ZHX2: variants seen among roughly 807,000 people sequenced by gnomAD.
The protein encoded by ZHX2 is zinc fingers and homeoboxes protein 2.
ZHX2 carries 6 observed loss-of-function variants against 21.9 expected under a neutral mutation model. The ratio of observed to expected loss-of-function variants is 0.27; its 90% CI spans 0.15 to 0.54. ZHX2 has a LOEUF of 0.54. Ranked by LOEUF, ZHX2 falls within the 20% of genes least tolerant of loss-of-function variation. ZHX2 has a pLI of 0.95. For missense variants in ZHX2, 908 were observed against 1,090.7 expected (o/e 0.83, Z 2.36); for synonymous variants, 434 against 437.1 (o/e 0.99, Z 0.09).
chr8:122,923,942 A>G (rs1284199724), intron 2 of ZHX2, among the ~76,000 whole-genome samples: 1 of 152,166 alleles, frequency 6.6e-6, no homozygotes, highest in Non-Finnish European at 1.5e-5. Flanking sequence ...AATATAAGGC[A>G]TTTCCATCCC....
intron 3 of ZHX2, among the ~76,000 whole-genome samples, chr8:122,972,032 G>C (rs1813737893): frequency 6.6e-6 from 1 of 152,114 alleles, no homozygotes; most frequent in South Asian, 2.1e-4. Context: ...ACAGTCTTTT[G>C]CATTCCTTAG....
At chr8:122,946,545 C>T (rs1812979263) in intron 2 of ZHX2, among the ~76,000 whole-genome samples, 2 of 152,172 alleles carry the variant, frequency 1.3e-5, no homozygotes, top group South Asian at 4.2e-4. Flanking sequence ...GCCATTTTAC[C>T]ACTATTCACC....
chr8:122,793,093 C>T (rs1817550466), intron 1 of ZHX2, among the ~76,000 whole-genome samples: 1 of 152,224 alleles, frequency 6.6e-6, no homozygotes, highest in African/African-American at 2.4e-5. Flanking sequence ...TCGCTGCTCA[C>T]AGGGTTGCTG....
chr8:122,972,612 C>T (rs926605787), intron 3 of ZHX2, among the ~76,000 whole-genome samples: 2 of 152,220 alleles, frequency 1.3e-5, no homozygotes, highest in East Asian at 1.9e-4. Flanking sequence ...TCTTATCACT[C>T]TTCTATATCC....
At chr8:122,955,826 A>G (rs1207013542) in intron 3 of ZHX2, among the ~76,000 whole-genome samples, 3 of 148,902 alleles carry the variant, frequency 2.0e-5, no homozygotes, top group Non-Finnish European at 4.5e-5. Flanking sequence ...TCCCTCATTA[A>G]AATGAGGGAG....
intron 3 of ZHX2, among the ~76,000 whole-genome samples, chr8:122,956,039 T>G (rs796597631): frequency 6.6e-6 from 1 of 152,046 alleles, no homozygotes; most frequent in Non-Finnish European, 1.5e-5. Flanking sequence ...GAGACGGGGT[T>G]TTGCCGTGTT....
chr8:122,827,118 C>A (rs1297869294), intron 1 of ZHX2, among the ~76,000 whole-genome samples: 1 of 152,204 alleles, frequency 6.6e-6, no homozygotes, highest in African/African-American at 2.4e-5. Flanking sequence ...AATCCAGGCT[C>A]AATTGATCCT....
At position 122,816,079 on chromosome 8, in the gene ZHX2, CAAAA is replaced by C. The variant is rs71310626; in HGVS notation, c.-283+34149_-283+34152del. On this transcript the variant is annotated intron_variant, in intron 1 of 3. Transcript: ENST00000314393. The stretch of plus-strand genomic sequence containing the variant: ...TGGGCGACAGAGCAAGACTCCGTCT[CAAAA>C]AAAAAAAAAAAAAAAGGGAGATTGC... Among the ~76,000 whole-genome samples, 622 of 90,250 alleles carry C rather than the reference CAAAA, an allele frequency of 6.9e-3. 2 individuals carry two copies. The highest frequency in any genetic ancestry group is 0.026 in the African/African-American group (583 of 22,334). 59.2% of individuals were successfully genotyped at this position (90,250 alleles called of 152,430 possible). A position where few individuals can be genotyped will look rare whatever the true frequency, so the allele number is the denominator to read the frequency against.
chr8:122,889,716 CA>C (rs1819930540), intron 2 of ZHX2, among the ~76,000 whole-genome samples: 2 of 152,042 alleles, frequency 1.3e-5, no homozygotes, highest in East Asian at 3.8e-4. Flanking sequence ...TTCTTTCAAC[CA>C]AATAAAAACA....
In ZHX2 at chr8:122,952,272, T is replaced by C; in HGVS notation, c.762T>C (p.Leu254=). 6.2e-7 allele frequency: 1 copy of C among 1,614,058 alleles called. No homozygotes were observed. Among genetic ancestry groups the C allele is most frequent in the South Asian group, 1.1e-5 (1 of 91,062 alleles). ...TACAGCTGCCACCAAATATCAACCTTGTGCCCAAGGTCCCTGTCCCACTAA... is the reference window on the plus strand; with the variant it reads ...TACAGCTGCCACCAAATATCAACCTCGTGCCCAAGGTCCCTGTCCCACTAA... ...PSVQLPPNIN[L]VPKVPVPLNT... The change falls in exon 3 of 4, where the codon CTT becomes CTC. Residue 254 remains leucine (L), a synonymous_variant. Coordinates refer to ENST00000314393, the MANE Select transcript of ZHX2 (RefSeq NM_014943.5). This position sits in a 1 kb window ranked among gnomAD's most constrained non-coding sequence, Gnocchi z 6.9.
intron 2 of ZHX2, among the ~76,000 whole-genome samples, chr8:122,934,385 C>G (rs1338181116): frequency 1.3e-5 from 2 of 152,238 alleles, no homozygotes; most frequent in Admixed American, 1.3e-4. Flanking sequence ...AGACACTTCA[C>G]TCACCTGCCC....
chr8:122,915,890 A>T (rs1329241627), intron 2 of ZHX2, among the ~76,000 whole-genome samples: 1 of 152,178 alleles, frequency 6.6e-6, no homozygotes, highest in African/African-American at 2.4e-5. Context: ...AAAGAGGGTG[A>T]TGGTGCTTTA....
At chr8:122,890,921 C>G (rs1819959451) in intron 2 of ZHX2, among the ~76,000 whole-genome samples, 2 of 152,022 alleles carry the variant, frequency 1.3e-5, no homozygotes, top group South Asian at 4.1e-4. Context: ...ATTTTACATC[C>G]TCCTTTCCCA....
At chr8:122,794,586 A>G (rs917393517) in intron 1 of ZHX2, among the ~76,000 whole-genome samples, 4 of 152,156 alleles carry the variant, frequency 2.6e-5, no homozygotes, top group Admixed American at 1.3e-4. Flanking sequence ...AGATTTTTTA[A>G]TGGACTCTCC....
intron 1 of ZHX2, among the ~76,000 whole-genome samples, chr8:122,822,036 C>G (rs775630575): frequency 2.0e-5 from 3 of 152,090 alleles, no homozygotes; most frequent in Non-Finnish European, 4.4e-5. Flanking sequence ...CTTCTAGGAG[C>G]CCTATTGAGA....
intron 1 of ZHX2, among the ~76,000 whole-genome samples, chr8:122,849,231 C>G (rs189599615): frequency 1.4e-4 from 22 of 152,220 alleles, no homozygotes; most frequent in Admixed American, 4.6e-4. Flanking sequence ...CTCCGTTTCC[C>G]CATTGGAGAT....
chr8:122,884,003 AACTC>A (rs1819776567), intron 2 of ZHX2, among the ~76,000 whole-genome samples: 1 of 152,228 alleles, frequency 6.6e-6, no homozygotes, highest in Non-Finnish European at 1.5e-5. Flanking sequence ...TCATAGAGTG[AACTC>A]ACACAAACCT....
chr8:122,960,244 A>G (rs970608600), intron 3 of ZHX2, among the ~76,000 whole-genome samples: 1 of 152,208 alleles, frequency 6.6e-6, no homozygotes, highest in Non-Finnish European at 1.5e-5. Flanking sequence ...GACACTCCCT[A>G]AAGAGGTAAT....
chr8:122,897,043 A>C (rs538677030), intron 2 of ZHX2, among the ~76,000 whole-genome samples: 1 of 152,334 alleles, frequency 6.6e-6, no homozygotes, highest in Non-Finnish European at 1.5e-5. Context: ...TTAGAAACTG[A>C]TGTCCTGAGC....
Sources: gnomAD v4.1 joint callset for allele counts (sites outside exome capture counted in the v4.1 genomes callset) on GRCh38, gnomAD v4.1.1 for gene constraint, Gnocchi (gnomAD v3.1) non-coding constraint, MANE v1.5 for transcripts, NCBI Gene and HGNC (gene_info 2026-07-23, HGNC 2026-07-21) for gene names.